Variants in MFN1 observed in about 807,000 individuals in gnomAD.
MFN1 encodes the protein mitofusin-1.
A neutral mutation model predicts 92.4 loss-of-function variants in MFN1; 65 were observed. The ratio of observed to expected loss-of-function variants is 0.70; its 90% confidence interval spans 0.58 to 0.86. The LOEUF is 0.86. Ranked by LOEUF, MFN1 falls within the 40% of genes least tolerant of loss-of-function variation. The probability of loss-of-function intolerance (pLI) is 0.00; values close to 1 mark genes in which losing one functional copy is unlikely to be tolerated. For synonymous variants in MFN1, 297 were observed against 300.9 expected (o/e 0.99, Z 0.13); for missense variants, 781 against 868.0 (o/e 0.90, Z 1.26).
rs1172424582 is a variant in MFN1 at position 179,389,927 on chromosome 3, C to CTT, written c.2013-73_2013-72dup. On this transcript the variant is annotated intron_variant, in intron 16 of 17. Coordinates refer to ENST00000471841, the MANE Select transcript of MFN1 (RefSeq NM_033540.3). ...GAAGTTTTTTAAAACTTGTGTTCTT[C>CTT]TTTTTATGTGAGCTTTAAATTAAAG... The CTT allele has an allele frequency of 1.4e-4, 199 of 1,373,618 alleles. No homozygotes were observed. The East Asian group carries it at 4.7e-3, about 32-fold the overall frequency. The allele number at this position is 1,373,618 out of a possible 1,614,324, so 85.1% of individuals were successfully genotyped here. A position where few individuals can be genotyped will look rare whatever the true frequency, so the allele number is the denominator to read the frequency against.
At chr3:179,384,054 A>G (rs1054167625) in intron 14 of MFN1, among the ~76,000 whole-genome samples, 2 of 152,180 alleles carry the variant, frequency 1.3e-5, no homozygotes, top group Non-Finnish European at 2.9e-5. Flanking sequence ...GAGGTTTCCT[A>G]TAAATGCAAT....
intron 9 of MFN1, among the ~76,000 whole-genome samples, chr3:179,370,735 G>A (rs924444483): frequency 6.6e-6 from 1 of 152,162 alleles, no homozygotes; most frequent in African/African-American, 2.4e-5. Context: ...CATTGTTTAC[G>A]TTGAAGATGC....
At chr3:179,354,836 C>G (rs1330732074) in intron 3 of MFN1, among the ~76,000 whole-genome samples, 1 of 152,114 alleles carries the variant, frequency 6.6e-6, no homozygotes, top group Non-Finnish European at 1.5e-5. Context: ...CTCTTGTCAC[C>G]CAGGCTGGAG....
At chr3:179,374,726 A>G (rs921743966) in intron 9 of MFN1, among the ~76,000 whole-genome samples, 4 of 152,174 alleles carry the variant, frequency 2.6e-5, no homozygotes, top group Admixed American at 2.6e-4. Context: ...TCACATTTTA[A>G]CTCAATGAAG....
chr3:179,352,380 A>G (rs2287312), intron 3 of MFN1, among the ~76,000 whole-genome samples: 26,436 of 152,194 alleles, frequency 0.17, 2,395 homozygotes, highest in Admixed American at 0.24. Context: ...CTAGGATGAA[A>G]TCACTTTTGT....
intron 5 of MFN1, among the ~76,000 whole-genome samples, chr3:179,363,895 A>T (rs532713131): frequency 3.9e-5 from 6 of 152,252 alleles, no homozygotes; most frequent in African/African-American, 7.2e-5. Flanking sequence ...AAATGAATAA[A>T]TTTTTTAACT....
chr3:179,350,347 C>A (rs1311256417), intron 2 of MFN1, among the ~76,000 whole-genome samples: 2 of 151,290 alleles, frequency 1.3e-5, no homozygotes, highest in African/African-American at 4.9e-5. Flanking sequence ...ATTCCTAGCA[C>A]CAGACTTGAC....
At chr3:179,388,878 A>G (rs976822828) in intron 16 of MFN1, among the ~76,000 whole-genome samples, 1 of 152,212 alleles carries the variant, frequency 6.6e-6, no homozygotes, top group African/African-American at 2.4e-5. Flanking sequence ...AGCTGTGTAC[A>G]TACATTCAGG....
intron 14 of MFN1, among the ~76,000 whole-genome samples, chr3:179,379,414 T>C (rs1391343400): frequency 6.6e-6 from 1 of 152,126 alleles, no homozygotes; most frequent in Admixed American, 6.6e-5. Flanking sequence ...AGTGCAGTGG[T>C]GCAATCTTGG....
intron 2 of MFN1, 53 bp downstream of exon 2, chr3:179,349,016 G>GCTTA: frequency 6.9e-7 from 1 of 1,444,246 alleles, no homozygotes. Flanking sequence ...ATATAAAAGT[G>GCTTA]CTTATTCTTT....
chr3:179,352,392 A>T (rs1010154233), intron 3 of MFN1, among the ~76,000 whole-genome samples: 1 of 152,248 alleles, frequency 6.6e-6, no homozygotes, highest in African/African-American at 2.4e-5. Context: ...CACTTTTGTC[A>T]TACCTAGACA....
At chr3:179,378,475 T>G (rs530204778) in intron 13 of MFN1, 32 bp downstream of exon 13, 1 of 1,560,192 alleles carries the variant, frequency 6.4e-7, no homozygotes, top group East Asian at 2.2e-5. Flanking sequence ...TCATGTCTGG[T>G]TTGTTTTTTC....
rs143383613 is a variant in MFN1, at chr3:179,369,345, T to G, written c.975+1242T>G. ...TCCCACCTCAGCCTCCTCTCCTCAC[T>G]GTTATCAGTTATTTCATCCATGGGG... On this transcript the variant is annotated intron_variant, in intron 9 of 17. Transcript: ENST00000471841. Among the ~76,000 whole-genome samples the G allele has an allele frequency of 5.4e-4, 82 of 152,256 alleles. 2 individuals are homozygous for G. The highest frequency in any genetic ancestry group is 1.7e-3 in the African/African-American group (71 of 41,558).
intron 16 of MFN1, among the ~76,000 whole-genome samples, 187 bp from the exon 17 acceptor site, chr3:179,389,817 G>A (rs998877523): frequency 5.3e-5 from 8 of 151,972 alleles, no homozygotes; most frequent in South Asian, 2.1e-4. Flanking sequence ...AGGTAATATC[G>A]TCTCTTGAGC....
rs1296481974 is a variant in MFN1 at position 179,349,813 on chromosome 3, CCTT to C, written c.112+854_112+856del. Among the ~76,000 whole-genome samples, 15 of 151,430 alleles carry C rather than the reference CCTT, an allele frequency of 9.9e-5. No homozygotes were observed. In the South Asian group the frequency reaches 1.1e-3, roughly 11 times the overall value. ...TGAGCCACCACACCCGGCCAGGAAT[CCTT>C]CTTTGGAGATAACTGTTGAAATTTT... On this transcript the variant is annotated intron_variant, in intron 2 of 17. Coordinates refer to ENST00000471841, the MANE Select transcript of MFN1 (RefSeq NM_033540.3).
intron 15 of MFN1, 81 bp downstream of exon 15, chr3:179,385,802 A>C (rs964700875): frequency 7.7e-7 from 1 of 1,296,222 alleles, no homozygotes; most frequent in African/African-American, 1.5e-5. Flanking sequence ...AAAGGTATAC[A>C]GTATTTACTT....
chr3:179,363,551 G>A (rs1167151605), intron 5 of MFN1, among the ~76,000 whole-genome samples: 1 of 151,848 alleles, frequency 6.6e-6, no homozygotes, highest in Non-Finnish European at 1.5e-5. Flanking sequence ...GAGTGCAGTG[G>A]TGGGATCATG....
Position 179,368,038 on chromosome 3 carries a change from G to A in MFN1, c.910G>A (p.Val304Met). The change falls in exon 9 of 18, where the codon GTG becomes ATG. Residue 304 changes from valine to methionine, a missense_variant and splice_region_variant. Transcript: ENST00000471841. Reference protein sequence around the residue: ...QKAQGMPESGVALAEGFHARL... With the variant: ...QKAQGMPESGMALAEGFHARL... ...AAATCTTTGCCTGTACGTTACAGGT[G>A]TGGCACTTGCTGAAGGATTTCATGC... is the stretch of plus-strand genomic sequence containing the variant. 1 of 1,563,754 alleles carries A rather than the reference G, an allele frequency of 6.4e-7. No homozygotes were observed. Among genetic ancestry groups the A allele is most frequent in the Non-Finnish European group, 8.7e-7 (1 of 1,152,930 alleles).
intron 9 of MFN1, among the ~76,000 whole-genome samples, chr3:179,372,153 C>T (rs1577010156): frequency 1.4e-5 from 2 of 147,428 alleles, no homozygotes; most frequent in East Asian, 3.9e-4. Flanking sequence ...GAGAGAGTAT[C>T]GAGCGCGAGT....
Sources: allele counts gnomAD v4.1 joint callset (sites outside exome capture counted in the v4.1 genomes callset), GRCh38; gene constraint gnomAD v4.1.1; transcripts MANE v1.5; gene names NCBI Gene and HGNC (gene_info 2026-07-23, HGNC 2026-07-21).